Variants in KIRREL3 observed in about 807,000 individuals in gnomAD.
The protein encoded by KIRREL3 is kirre like nephrin family adhesion molecule 3.
A neutral mutation model predicts 89.7 loss-of-function variants in KIRREL3; 36 were observed. The observed-to-expected ratio is 0.40, with a 90% CI of 0.31 to 0.53. The LOEUF (loss-of-function observed/expected upper bound fraction) is 0.53. Ranked by LOEUF, KIRREL3 falls within the 20% of genes least tolerant of loss-of-function variation. The pLI is 0.49. For synonymous variants in KIRREL3, 445 were observed against 441.4 expected (o/e 1.01, Z -0.10); for missense variants, 864 against 1,056.6 (o/e 0.82, Z 2.53).
intron 1 of KIRREL3, among the ~76,000 whole-genome samples, chr11:126,886,259 G>A (rs201168674): frequency 6.6e-6 from 1 of 152,178 alleles, no homozygotes; most frequent in African/African-American, 2.4e-5. Flanking sequence ...ATAGCTCCCT[G>A]CATGATGATA....
Position 126,988,305 on chromosome 11 carries a change from G to A in KIRREL3, c.55+12150C>T, listed in dbSNP as rs1325106318. Reference sequence around the variant, plus strand: ...GAGGCAGAGAGCAGTCGCTAGCCATGGAGGAAAGCTTCTCAAATTCTTACT... The same window carrying A: ...GAGGCAGAGAGCAGTCGCTAGCCATAGAGGAAAGCTTCTCAAATTCTTACT... On this transcript the variant is annotated intron_variant, in intron 1 of 16. Transcript: ENST00000525144. Among the ~76,000 whole-genome samples the A allele has an allele frequency of 3.3e-5, 5 of 152,212 alleles. No individual in the cohort carries two copies. The East Asian group carries it at 9.6e-4, about 29-fold the overall frequency.
chr11:126,445,094 A>G lies in KIRREL3; in HGVS notation c.1137T>C (p.Asn379=), dbSNP rs1177562805. 1.9e-6 allele frequency: 3 copies of G among 1,613,944 alleles called. No individual in the cohort carries two copies. The African/African-American group carries it at 4.0e-5, about 22-fold the overall frequency. The stretch of plus-strand genomic sequence containing the variant: ...CGGATTTGAGGGTCAGGGTCTTCTC[A>G]TTGCTCAGGACCTAGGAGAATTGGC... The part of the protein sequence containing the change: ...MKRGSGVVLS[N]EKTLTLKSVR... The change falls in exon 10 of 17, where the codon AAT becomes AAC. Residue 379 remains asparagine (N), a synonymous_variant. Coordinates refer to ENST00000525144, the MANE Select transcript of KIRREL3 (RefSeq NM_032531.4).
At position 126,454,170 on chromosome 11, in the gene KIRREL3, C is replaced by A. The variant is rs2134226936; in HGVS notation, c.848+2179G>T. Among the ~76,000 whole-genome samples the A allele has an allele frequency of 6.6e-6, 1 of 151,972 alleles. No individual in the cohort carries two copies. The highest frequency in any genetic ancestry group is 1.5e-5 in the Non-Finnish European group (1 of 67,950). On this transcript the variant is annotated intron_variant, in intron 7 of 16. Coordinates refer to ENST00000525144, the MANE Select transcript of KIRREL3 (RefSeq NM_032531.4). This position sits in a 1 kb window ranked among gnomAD's most constrained non-coding sequence, Gnocchi z 5.8. ...CTCTCCTCTCCTCCCACCTTCTTCT[C>A]TTTCCTATTATTGCTGTTCTGCTTT...
At position 126,526,816 on chromosome 11, in the gene KIRREL3, G is replaced by A; in HGVS notation, c.134-129C>T. The A allele has an allele frequency of 9.8e-7, 1 of 1,017,858 alleles. No individual in the cohort carries two copies. The highest frequency in any genetic ancestry group is 2.6e-5 in the East Asian group (1 of 38,004). The allele number at this position is 1,017,858 out of a possible 1,614,324, so 63.1% of individuals were successfully genotyped here. A position where few individuals can be genotyped will look rare whatever the true frequency, so the allele number is the denominator to read the frequency against. On this transcript the variant is annotated intron_variant, in intron 2 of 16. Coordinates refer to ENST00000525144, the MANE Select transcript of KIRREL3 (RefSeq NM_032531.4). This position sits in a 1 kb window ranked among gnomAD's most constrained non-coding sequence, Gnocchi z 5.7. Reference sequence around the variant, plus strand: ...GCCTCCTGAAGCACCTGGCTTTCCTGCTGAGGGTCTGGTAGAGCTTCCTAA... The same window carrying A: ...GCCTCCTGAAGCACCTGGCTTTCCTACTGAGGGTCTGGTAGAGCTTCCTAA...
At chr11:126,542,936 C>A (rs950105326) in intron 2 of KIRREL3, among the ~76,000 whole-genome samples, 3 of 152,196 alleles carry the variant, frequency 2.0e-5, no homozygotes, top group African/African-American at 7.2e-5. Flanking sequence ...ATATTAACCA[C>A]AACTAACTCC....
chr11:126,893,035 C>G (rs756414345), intron 1 of KIRREL3, among the ~76,000 whole-genome samples: 1 of 152,140 alleles, frequency 6.6e-6, no homozygotes, highest in African/African-American at 2.4e-5. Flanking sequence ...GTAATTTCCC[C>G]CGTTGTTTGA....
In KIRREL3 at chr11:126,424,819, C is replaced by G. The variant is rs780847583; in HGVS notation, c.2098G>C (p.Gly700Arg). Residue 700 changes from glycine to arginine, a missense_variant, in exon 17 of 17, where the codon GGC becomes CGC. Coordinates refer to ENST00000525144, the MANE Select transcript of KIRREL3 (RefSeq NM_032531.4). ...DYGQRFVLGM[G>R]SSSIELCERE... ...TCACAAAGCTCGATGGACGAGCTGCCCATGCCCAGCACAAACCGCTGCCCG... is the reference window on the plus strand; with the variant it reads ...TCACAAAGCTCGATGGACGAGCTGCGCATGCCCAGCACAAACCGCTGCCCG... 1 of 1,614,046 alleles carries G rather than the reference C, an allele frequency of 6.2e-7. No homozygotes were observed. The highest frequency in any genetic ancestry group is 8.5e-7 in the Non-Finnish European group (1 of 1,179,898).
chr11:126,984,233 T>C (rs1399970783), intron 1 of KIRREL3, among the ~76,000 whole-genome samples: 2 of 152,168 alleles, frequency 1.3e-5, no homozygotes, highest in Admixed American at 1.3e-4. Context: ...AAAGGTATTC[T>C]CTCTGGAGAT....
chr11:126,921,989 A>C (rs1947347981), intron 1 of KIRREL3, among the ~76,000 whole-genome samples: 1 of 145,456 alleles, frequency 6.9e-6, no homozygotes, highest in Non-Finnish European at 1.5e-5. Context: ...CTATCTATCT[A>C]TCTATCTATC....
intron 1 of KIRREL3, among the ~76,000 whole-genome samples, chr11:126,929,951 C>A (rs77313151): frequency 4.9e-4 from 14 of 28,638 alleles, no homozygotes; most frequent in East Asian, 1.6e-3. Context: ...GGGAGCCACC[C>A]CCCCCCCCCC....
At chr11:126,688,980 CTTTG>C (rs1280636353) in intron 1 of KIRREL3, among the ~76,000 whole-genome samples, 1 of 147,036 alleles carries the variant, frequency 6.8e-6, no homozygotes, top group African/African-American at 2.5e-5. Context: ...TCAATCTTGT[CTTTG>C]TTTGGCTGAC....
intron 1 of KIRREL3, among the ~76,000 whole-genome samples, chr11:126,875,749 T>C (rs1945262167): frequency 6.6e-6 from 1 of 152,252 alleles, no homozygotes; most frequent in Admixed American, 6.5e-5. Flanking sequence ...GGCAATCCAT[T>C]CTCATTATGC....
intron 2 of KIRREL3, among the ~76,000 whole-genome samples, chr11:126,533,802 T>C (rs1042569143): frequency 6.6e-6 from 1 of 152,182 alleles, no homozygotes; most frequent in African/African-American, 2.4e-5. Flanking sequence ...GGGACAATAA[T>C]ACCACCACCT....
In KIRREL3 at chr11:126,531,273, T is replaced by C. The variant is rs1958935008; in HGVS notation, c.134-4586A>G. Among the ~76,000 whole-genome samples the C allele has an allele frequency of 6.6e-6, 1 of 152,202 alleles. No homozygotes were observed. The highest frequency in any genetic ancestry group is 1.5e-5 in the Non-Finnish European group (1 of 68,038). The stretch of plus-strand genomic sequence containing the variant: ...CTCAACCTGGGCTCTTGCCACAGAC[T>C]CTGAATGTTCTCTTTGCCTGATCCA... On this transcript the variant is annotated intron_variant, in intron 2 of 16. Transcript: ENST00000525144. This position sits in a 1 kb window ranked among gnomAD's most constrained non-coding sequence, Gnocchi z 4.7.
At position 126,587,766 on chromosome 11, in the gene KIRREL3, C is replaced by T. The variant is rs1941938461; in HGVS notation, c.56-24854G>A. ...ATGTGAATGATTAGGTTGTGTAATA[C>T]ATTCCAGCAAATTTAGATTAGGAAT... On this transcript the variant is annotated intron_variant, in intron 1 of 16. Coordinates refer to ENST00000525144, the MANE Select transcript of KIRREL3 (RefSeq NM_032531.4). The surrounding 1 kb of genome is among the most constrained non-coding windows in gnomAD (Gnocchi z 5.2). Among the ~76,000 whole-genome samples the T allele has an allele frequency of 6.6e-6, 1 of 152,204 alleles. No homozygotes were observed. The highest frequency in any genetic ancestry group is 6.5e-5 in the Admixed American group (1 of 15,282).
In KIRREL3 at chr11:126,844,407, G is replaced by A. The variant is rs1052263289; in HGVS notation, c.55+156048C>T. Among the ~76,000 whole-genome samples, 1 of 152,170 alleles carries A rather than the reference G, an allele frequency of 6.6e-6. No individual in the cohort carries two copies. Among genetic ancestry groups the A allele is most frequent in the Non-Finnish European group, 1.5e-5 (1 of 68,028 alleles). ...AACATCTTTCTGGCAAACCATGGAA[G>A]GGACGATACTGAGGAGACCTCCAAC... On this transcript the variant is annotated intron_variant, in intron 1 of 16. Transcript: ENST00000525144. This position sits in a 1 kb window ranked among gnomAD's most constrained non-coding sequence, Gnocchi z 4.8.
In KIRREL3 at chr11:126,994,097, A is replaced by G. The variant is rs1331852158; in HGVS notation, c.55+6358T>C. The stretch of plus-strand genomic sequence containing the variant: ...CAGATAAATCTACTTTGCTTTGCCT[A>G]TGAAGACAGGCAAAGAGTAGGGTGA... On this transcript the variant is annotated intron_variant, in intron 1 of 16. Coordinates refer to ENST00000525144, the MANE Select transcript of KIRREL3 (RefSeq NM_032531.4). The surrounding 1 kb of genome is among the most constrained non-coding windows in gnomAD (Gnocchi z 5.2). Among the ~76,000 whole-genome samples, 3 of 152,158 alleles carry G rather than the reference A, an allele frequency of 2.0e-5. No homozygotes were observed. In the East Asian group the frequency reaches 5.8e-4, roughly 29 times the overall value.
Position 126,436,896 on chromosome 11 carries a change from C to T in KIRREL3, c.1467G>A (p.Val489=). 1 of 1,613,630 alleles carries T rather than the reference C, an allele frequency of 6.2e-7. No homozygotes were observed. The highest frequency in any genetic ancestry group is 8.5e-7 in the Non-Finnish European group (1 of 1,179,832). ...TGTAGATGGTCTGGAAGTCGGCCCG[C>T]ACGATGTTGCTGATGGTCAGGGTGG... ...VISTLTISNI[V]RADFQTIYNC... is the part of the protein sequence containing the mutation. Residue 489 remains valine (V), a synonymous_variant, in exon 12 of 17, where the codon GTG becomes GTA. Coordinates refer to ENST00000525144, the MANE Select transcript of KIRREL3 (RefSeq NM_032531.4).
intron 1 of KIRREL3, among the ~76,000 whole-genome samples, chr11:126,960,223 C>T (rs1214207948): frequency 1.3e-5 from 2 of 152,076 alleles, no homozygotes; most frequent in African/African-American, 4.8e-5. Flanking sequence ...GGCAAATTCT[C>T]CTTGATTAAA....
Sources: allele counts gnomAD v4.1 joint callset (sites outside exome capture counted in the v4.1 genomes callset), GRCh38; gene constraint gnomAD v4.1.1; non-coding constraint Gnocchi (gnomAD v3.1); transcripts MANE v1.5; gene names NCBI Gene and HGNC (gene_info 2026-07-23, HGNC 2026-07-21).